The following STAP1 variants were observed in gnomAD, a reference collection of about 807,000 sequenced individuals.
STAP1 encodes the protein signal transducing adaptor family member 1, also known as signal-transducing adaptor protein 1.
STAP1 carries 30 observed loss-of-function variants against 37.8 expected under a neutral mutation model. The ratio of observed to expected loss-of-function variants is 0.79; its 90% confidence interval spans 0.59 to 1.08. The LOEUF (loss-of-function observed/expected upper bound fraction) is 1.08, where lower values mean the gene tolerates loss of function less well. Among genes scored for constraint, STAP1 ranks in the 50% least tolerant of loss-of-function variants. STAP1 has a pLI of 0.00. For missense variants in STAP1, 357 were observed against 349.4 expected (o/e 1.02, Z -0.17); for synonymous variants, 130 against 116.0 (o/e 1.12, Z -0.78).
chr4:67,598,310 T>C (rs1402709203), intron 8 of STAP1, among the ~76,000 whole-genome samples: 1 of 152,198 alleles, frequency 6.6e-6, no homozygotes, highest in Non-Finnish European at 1.5e-5. Flanking sequence ...GTGGGATTGC[T>C]GGGTCATATG....
rs1250199359 is a variant in STAP1 at position 67,589,977 on chromosome 4, A to T, written c.660-907A>T. Among the ~76,000 whole-genome samples the T allele has an allele frequency of 5.9e-5, 9 of 151,688 alleles. No homozygotes were observed. The East Asian group carries it at 1.7e-3, about 29-fold the overall frequency. ...CCACCATGCCTGGCTAATTTTTTGA[A>T]TTTTTTTGTAGAGATGGGGTCTCAT... On this transcript the variant is annotated intron_variant, in intron 6 of 8. Coordinates refer to ENST00000265404, the MANE Select transcript of STAP1 (RefSeq NM_012108.4).
intron 2 of STAP1, among the ~76,000 whole-genome samples, chr4:67,574,914 C>CT (rs1282894334): frequency 6.6e-6 from 1 of 152,112 alleles, no homozygotes; most frequent in African/African-American, 2.4e-5. Flanking sequence ...TGATTTCAAC[C>CT]TAACAGTATG....
chr4:67,569,533 T>G (rs1283075574), intron 1 of STAP1, among the ~76,000 whole-genome samples: 1 of 152,162 alleles, frequency 6.6e-6, no homozygotes, highest in Non-Finnish European at 1.5e-5. Flanking sequence ...CAAAAACACA[T>G]TGTACAGCTC....
intron 8 of STAP1, among the ~76,000 whole-genome samples, chr4:67,605,871 T>C (rs2291422): frequency 0.2 from 29,989 of 152,018 alleles, 3,420 homozygotes; most frequent in East Asian, 0.49. Flanking sequence ...ATCTGGAGAT[T>C]TGGAAAAAGC....
chr4:67,601,062 T>G (rs1050855685), intron 8 of STAP1, among the ~76,000 whole-genome samples: 2 of 152,180 alleles, frequency 1.3e-5, no homozygotes, highest in African/African-American at 2.4e-5. Context: ...CCTTCTTTCT[T>G]GTCTTTTTTG....
intron 2 of STAP1, 40 bp from the exon 3 acceptor site, chr4:67,575,345 C>A (rs370969059): frequency 7.4e-6 from 10 of 1,351,458 alleles, no homozygotes; most frequent in African/African-American, 1.5e-5. Flanking sequence ...TGTGTATTAC[C>A]CATGAAATAA....
At chr4:67,572,230 T>C (rs1291832013) in intron 2 of STAP1, among the ~76,000 whole-genome samples, 2 of 152,158 alleles carry the variant, frequency 1.3e-5, no homozygotes, top group African/African-American at 4.8e-5. Context: ...ACATCTCAAA[T>C]TGGGCAATTT....
At position 67,558,896 on chromosome 4, in the gene STAP1, A is replaced by G. The variant is rs776804186; in HGVS notation, c.87A>G (p.Glu29=). ...LKITALPLYF[E]GFLLIKRSGY... ...TTACTGCTCTACCTTTGTACTTTGA[A>G]GGTTTTTTATTAATCAAGCGGTCAG... Residue 29 remains glutamate, a synonymous_variant, in exon 1 of 9, where the codon GAA becomes GAG. Coordinates refer to ENST00000265404, the MANE Select transcript of STAP1 (RefSeq NM_012108.4). The G allele has an allele frequency of 1.9e-6, 3 of 1,613,312 alleles. No homozygotes were observed. In the South Asian group the frequency reaches 3.3e-5, roughly 18 times the overall value.
intron 8 of STAP1, among the ~76,000 whole-genome samples, chr4:67,599,997 A>T (rs1728306603): frequency 6.6e-6 from 1 of 151,940 alleles, no homozygotes; most frequent in Admixed American, 6.6e-5. Context: ...TTAAATTTAA[A>T]TTTCATTTAT....
chr4:67,563,949 A>G (rs1578020158), intron 1 of STAP1, among the ~76,000 whole-genome samples: 1 of 152,324 alleles, frequency 6.6e-6, no homozygotes, highest in Middle Eastern at 3.4e-3. Flanking sequence ...TAAAAAAAAA[A>G]AAAAAGAAAT....
At chr4:67,560,215 A>G (rs939711046) in intron 1 of STAP1, among the ~76,000 whole-genome samples, 11 of 105,872 alleles carry the variant, frequency 1.0e-4, no homozygotes, top group African/African-American at 3.0e-4. Flanking sequence ...CAGAAAGAAT[A>G]AGAATTTTAG....
chr4:67,579,498 G>T (rs777665810), intron 4 of STAP1, among the ~76,000 whole-genome samples: 48 of 152,082 alleles, frequency 3.2e-4, no homozygotes, highest in Non-Finnish European at 5.6e-4. Context: ...AATTTGTAAA[G>T]AAAAGAGGTT....
intron 7 of STAP1, among the ~76,000 whole-genome samples, chr4:67,592,864 C>T (rs1441533156): frequency 3.3e-5 from 5 of 152,068 alleles, no homozygotes; most frequent in Admixed American, 6.6e-5. Context: ...TTTCAATTTT[C>T]GTAGAGACAG....
intron 8 of STAP1, among the ~76,000 whole-genome samples, chr4:67,602,492 T>C (rs1728365441): frequency 6.6e-6 from 1 of 152,184 alleles, no homozygotes; most frequent in South Asian, 2.1e-4. Context: ...TTGGAAAGGT[T>C]TTCCCAGTCT....
intron 8 of STAP1, among the ~76,000 whole-genome samples, chr4:67,603,231 T>C (rs1009974244): frequency 5.9e-5 from 9 of 151,978 alleles, no homozygotes; most frequent in African/African-American, 1.9e-4. Flanking sequence ...TTCAATCAGT[T>C]TGTGGTGAAT....
intron 2 of STAP1, 71 bp downstream of exon 2, chr4:67,571,226 T>C: frequency 9.2e-7 from 1 of 1,091,278 alleles, no homozygotes; most frequent in African/African-American, 1.6e-5. Flanking sequence ...TTATTCATTT[T>C]GGATTTTCTG....
At position 67,575,518 on chromosome 4, in the gene STAP1, A is replaced by G. The variant is rs368170058; in HGVS notation, c.306+20A>G. The G allele has an allele frequency of 3.3e-6, 5 of 1,536,564 alleles. No homozygotes were observed. Among genetic ancestry groups the G allele is most frequent in the Non-Finnish European group, 4.5e-6 (5 of 1,113,932 alleles). ...CTGAAGGTGAGCGAGGAGAAACAGT[A>G]GTCTGTAAAGGGTTGTGGTTATAAA... On this transcript the variant is annotated intron_variant, in intron 3 of 8. Transcript: ENST00000265404.
chr4:67,566,797 C>T (rs1041720940), intron 1 of STAP1, among the ~76,000 whole-genome samples: 4 of 152,068 alleles, frequency 2.6e-5, no homozygotes, highest in African/African-American at 9.7e-5. Flanking sequence ...TGGTGAAACT[C>T]CGTCTCTACT....
chr4:67,565,846 A>G (rs192094713), intron 1 of STAP1, among the ~76,000 whole-genome samples: 88 of 151,206 alleles, frequency 5.8e-4, no homozygotes, highest in Non-Finnish European at 1.1e-3. Flanking sequence ...AACCATCACC[A>G]GTATCTAATT....
Sources: gnomAD v4.1 joint callset for allele counts (sites outside exome capture counted in the v4.1 genomes callset) on GRCh38, gnomAD v4.1.1 for gene constraint, MANE v1.5 for transcripts, NCBI Gene and HGNC (gene_info 2026-07-23, HGNC 2026-07-21) for gene names.